SHC3: variants seen among roughly 807,000 people sequenced by gnomAD.
SHC3 encodes SHC adaptor protein 3, also known as SHC-transforming protein 3.
Under a neutral mutation model 60.4 loss-of-function variants are expected in SHC3, and 15 were observed. That is an observed-to-expected ratio of 0.25 (90% CI 0.17 to 0.38). The LOEUF is 0.38. SHC3 is among the 10% of genes least tolerant of loss of function. The pLI is 1.00. For missense variants in SHC3, 677 were observed against 786.1 expected (o/e 0.86, Z 1.66); for synonymous variants, 294 against 325.9 (o/e 0.90, Z 1.05).
At chr9:89,015,987 G>A (rs533552908) in intron 11 of SHC3, among the ~76,000 whole-genome samples, 53 of 152,208 alleles carry the variant, frequency 3.5e-4, no homozygotes, top group African/African-American at 1.2e-3. Flanking sequence ...AAGTAAGCAG[G>A]AGGAAAGAAA....
At position 89,035,105 on chromosome 9, in the gene SHC3, C is replaced by T. The variant is rs143746885; in HGVS notation, c.1656+2888G>A. Among the ~76,000 whole-genome samples, 199 of 152,300 alleles carry T rather than the reference C, an allele frequency of 1.3e-3. 1 individual carries two copies. The highest frequency in any genetic ancestry group is 2.3e-3 in the Non-Finnish European group (156 of 68,018). On this transcript the variant is annotated intron_variant, in intron 11 of 11. Coordinates refer to ENST00000375835, the MANE Select transcript of SHC3 (RefSeq NM_016848.6). ...TCTGTTGGATTACCAATAAATAGTG[C>T]GGGTTCCCAGAGCTCAGGGCCTTTG...
chr9:89,028,661 G>T (rs1317660608), intron 11 of SHC3, among the ~76,000 whole-genome samples: 1 of 143,450 alleles, frequency 7.0e-6, no homozygotes, highest in Non-Finnish European at 1.5e-5. Flanking sequence ...AATATATATA[G>T]ATATAGCTAT....
At chr9:89,167,284 C>A (rs1306377768) in intron 1 of SHC3, among the ~76,000 whole-genome samples, 1 of 152,160 alleles carries the variant, frequency 6.6e-6, no homozygotes, top group Non-Finnish European at 1.5e-5. Flanking sequence ...GTTGCTACTT[C>A]CAGTGAAAAA....
At chr9:89,045,091 T>C (rs1229492657) in intron 9 of SHC3, among the ~76,000 whole-genome samples, 2 of 151,878 alleles carry the variant, frequency 1.3e-5, no homozygotes, top group South Asian at 2.1e-4. Flanking sequence ...CCAGTTCCCA[T>C]AGGAAACTGG....
chr9:89,096,757 C>T (rs767579162), intron 2 of SHC3, among the ~76,000 whole-genome samples: 6 of 152,164 alleles, frequency 3.9e-5, no homozygotes, highest in Non-Finnish European at 7.3e-5. Context: ...TAGGGGGAGA[C>T]GTGCTACTGG....
intron 1 of SHC3, among the ~76,000 whole-genome samples, chr9:89,122,884 T>C (rs779383700): frequency 6.6e-6 from 1 of 152,172 alleles, no homozygotes; most frequent in Non-Finnish European, 1.5e-5. Context: ...CCGATCAGCA[T>C]AGAAACCAAT....
intron 1 of SHC3, among the ~76,000 whole-genome samples, chr9:89,120,196 C>T (rs1210487046): frequency 6.6e-6 from 1 of 152,028 alleles, no homozygotes; most frequent in Admixed American, 6.6e-5. Context: ...ATTTTTATAA[C>T]AAGACCTAAA....
chr9:89,029,844 G>A (rs938681095), intron 11 of SHC3, among the ~76,000 whole-genome samples: 1 of 152,104 alleles, frequency 6.6e-6, no homozygotes, highest in African/African-American at 2.4e-5. Context: ...GTAATGCAAT[G>A]TTATGCCTAA....
At chr9:89,109,675 G>C (rs778341450) in intron 2 of SHC3, 80 of 985,294 alleles carry the variant, frequency 8.1e-5, no homozygotes, top group Non-Finnish European at 9.2e-5. Context: ...CCAAGGGTTG[G>C]TGAGGAGACC....
At chr9:89,066,011 G>T (rs1211485016) in intron 5 of SHC3, among the ~76,000 whole-genome samples, 10 of 152,162 alleles carry the variant, frequency 6.6e-5, no homozygotes, top group Non-Finnish European at 8.8e-5. Flanking sequence ...TGGATGTGAG[G>T]CCTGTGCATT....
intron 11 of SHC3, among the ~76,000 whole-genome samples, chr9:89,021,659 T>A (rs1259253205): frequency 6.6e-6 from 1 of 152,226 alleles, no homozygotes; most frequent in Non-Finnish European, 1.5e-5. Flanking sequence ...GTGAGGCTCC[T>A]CTGTCCTGCA....
chr9:89,177,995 C>A lies in SHC3; in HGVS notation c.466G>T (p.Val156Leu). 1 of 1,232,948 alleles carries A rather than the reference C, an allele frequency of 8.1e-7. No homozygotes were observed. The highest frequency in any genetic ancestry group is 3.9e-5 in the South Asian group (1 of 25,926). 76.4% of individuals were successfully genotyped at this position (1,232,948 alleles called of 1,614,324 possible). The part of the protein sequence containing the change: ...DQVLGPGVTY[V>L]VKYLGCIEVL... ...CCCGCGCCCGCACCCACCTTGACCACGTAGGTGACTCCGGGCCCCAGCACC... is the reference window on the plus strand; with the variant it reads ...CCCGCGCCCGCACCCACCTTGACCAAGTAGGTGACTCCGGGCCCCAGCACC... Residue 156 changes from valine (V) to leucine (L), a missense_variant, in exon 1 of 12, where the codon GTG becomes TTG. Coordinates refer to ENST00000375835, the MANE Select transcript of SHC3 (RefSeq NM_016848.6).
chr9:89,056,119 A>G lies in SHC3; in HGVS notation c.836-3956T>C, dbSNP rs142911912. ...CATCCTGGAGGTACATTTCTTAATC[A>G]TCTTGAATGTGGAAGGGCTGATTTC... is the stretch of plus-strand genomic sequence containing the variant. On this transcript the variant is annotated intron_variant, in intron 6 of 11. Transcript: ENST00000375835. Among the ~76,000 whole-genome samples the G allele has an allele frequency of 1.2e-3, 181 of 152,346 alleles. 6 individuals are homozygous for G. In the East Asian group the frequency reaches 0.025, roughly 21 times the overall value.
intron 1 of SHC3, among the ~76,000 whole-genome samples, chr9:89,135,578 G>A (rs1826306941): frequency 6.6e-6 from 1 of 152,220 alleles, no homozygotes; most frequent in Non-Finnish European, 1.5e-5. Context: ...GTTATGATTT[G>A]TCTTGAGTAA....
intron 2 of SHC3, among the ~76,000 whole-genome samples, chr9:89,097,595 C>G (rs1009457923): frequency 2.0e-5 from 3 of 152,190 alleles, no homozygotes; most frequent in African/African-American, 4.8e-5. Context: ...CTCTTAGCAG[C>G]TTGCTTCATT....
At chr9:89,064,511 T>C (rs924117449) in intron 6 of SHC3, among the ~76,000 whole-genome samples, 5 of 152,214 alleles carry the variant, frequency 3.3e-5, no homozygotes, top group African/African-American at 9.6e-5. Flanking sequence ...CTTCAGGATC[T>C]GGACCTAAGC....
chr9:89,162,624 TAAAACCATAAAAACCCTAGAAG>T (rs1826726016), intron 1 of SHC3, among the ~76,000 whole-genome samples: 1 of 151,574 alleles, frequency 6.6e-6, no homozygotes, highest in Non-Finnish European at 1.5e-5. Flanking sequence ...ACGTTAGACC[TAAAACCATAAAAACCCTAGAAG>T]AAAACCTAGG....
At chr9:89,137,146 G>A (rs148192555) in intron 1 of SHC3, among the ~76,000 whole-genome samples, 248 of 152,066 alleles carry the variant, frequency 1.6e-3, no homozygotes, top group African/African-American at 5.0e-3. Context: ...CCTTGCACCC[G>A]GTCCCTCCCC....
intron 1 of SHC3, among the ~76,000 whole-genome samples, chr9:89,162,057 G>T (rs1472055573): frequency 7.5e-6 from 1 of 134,094 alleles, no homozygotes. Flanking sequence ...ACCTCTTCAA[G>T]GAGAACTACA....
Sources: gnomAD v4.1 joint callset for allele counts (sites outside exome capture counted in the v4.1 genomes callset) on GRCh38, gnomAD v4.1.1 for gene constraint, MANE v1.5 for transcripts, NCBI Gene and HGNC (gene_info 2026-07-23, HGNC 2026-07-21) for gene names.